The following GABRA2 variants were observed in gnomAD, a reference collection of about 807,000 sequenced individuals.
GABRA2 encodes gamma-aminobutyric acid type A receptor subunit alpha2.
Under a neutral mutation model 48.7 loss-of-function variants are expected in GABRA2, and 16 were observed. The ratio of observed to expected loss-of-function variants is 0.33; its 90% CI spans 0.22 to 0.50. GABRA2 has a LOEUF of 0.50. Ranked by LOEUF, GABRA2 falls within the 20% of genes least tolerant of loss-of-function variation. The probability of loss-of-function intolerance (pLI) is 0.98; values close to 1 mark genes in which losing one functional copy is unlikely to be tolerated. For synonymous variants in GABRA2, 185 were observed against 184.5 expected, an observed-to-expected ratio of 1.00 and a Z score of -0.02; for missense variants, 275 against 535.6, an observed-to-expected ratio of 0.51 and a Z score of 4.80.
At chr4:46,313,989 GA>G (rs1256442036) in intron 4 of GABRA2, among the ~76,000 whole-genome samples, 1 of 152,136 alleles carries the variant, frequency 6.6e-6, no homozygotes, top group African/African-American at 2.4e-5. Context: ...ACTAACAAGT[GA>G]AAATCCTAGG....
chr4:46,300,432 AT>A (rs919860689), intron 8 of GABRA2, among the ~76,000 whole-genome samples: 6 of 151,738 alleles, frequency 4.0e-5, no homozygotes, highest in Admixed American at 1.3e-4. Context: ...CAATTTTAGG[AT>A]TTTTAAAGAT....
intron 3 of GABRA2, among the ~76,000 whole-genome samples, chr4:46,352,931 T>A (rs1184593202): frequency 2.0e-5 from 3 of 152,126 alleles, no homozygotes; most frequent in Non-Finnish European, 4.4e-5. Flanking sequence ...CTTCACTGTC[T>A]TTTCATGCCT....
intron 3 of GABRA2, among the ~76,000 whole-genome samples, chr4:46,378,040 T>G (rs76262326): frequency 4.4e-4 from 41 of 92,344 alleles, no homozygotes; most frequent in South Asian, 1.6e-3. Context: ...AGGTGGGGGG[T>G]TCAGCCCCCC....
chr4:46,286,118 C>T (rs1279085036), intron 8 of GABRA2, among the ~76,000 whole-genome samples: 2 of 151,832 alleles, frequency 1.3e-5, no homozygotes, highest in East Asian at 1.9e-4. Context: ...CCATTTATTC[C>T]ACTCCTATCC....
At chr4:46,269,699 T>G (rs998061440) in intron 8 of GABRA2, among the ~76,000 whole-genome samples, 21 of 151,836 alleles carry the variant, frequency 1.4e-4, no homozygotes, top group Middle Eastern at 3.2e-3. Flanking sequence ...TAAAACGGAC[T>G]TGTGGCTGAC....
chr4:46,263,299 CTG>C (rs1717430010), intron 8 of GABRA2, among the ~76,000 whole-genome samples: 1 of 151,996 alleles, frequency 6.6e-6, no homozygotes, highest in East Asian at 1.9e-4. Context: ...ACCTAAGAAA[CTG>C]TTGTCTAATC....
chr4:46,251,634 C>T (rs1372812765), intron 9 of GABRA2, among the ~76,000 whole-genome samples: 2 of 151,460 alleles, frequency 1.3e-5, no homozygotes, highest in African/African-American at 4.8e-5. Flanking sequence ...TAAGAAAGGA[C>T]TTTCTTAAGG....
intron 4 of GABRA2, among the ~76,000 whole-genome samples, chr4:46,331,147 C>A (rs562973968): frequency 4.6e-5 from 7 of 152,166 alleles, no homozygotes; most frequent in Non-Finnish European, 8.8e-5. Context: ...ATTTTTTCCT[C>A]TTGTACCAGA....
chr4:46,314,645 G>A (rs189872273), intron 4 of GABRA2, among the ~76,000 whole-genome samples: 2 of 151,992 alleles, frequency 1.3e-5, no homozygotes, highest in East Asian at 1.9e-4. Context: ...CTCCCTCCCC[G>A]CTCTAGCAAT....
chr4:46,274,721 C>T (rs1312489333), intron 8 of GABRA2, among the ~76,000 whole-genome samples: 2 of 152,076 alleles, frequency 1.3e-5, no homozygotes, highest in African/African-American at 2.4e-5. Flanking sequence ...CTTTCTGAGC[C>T]TCAGTGGCTT....
At chr4:46,348,086 C>G (rs1216545739) in intron 3 of GABRA2, among the ~76,000 whole-genome samples, 1 of 151,942 alleles carries the variant, frequency 6.6e-6, no homozygotes, top group Non-Finnish European at 1.5e-5. Context: ...AAGAAAAAAA[C>G]AAACAACCCC....
intron 4 of GABRA2, among the ~76,000 whole-genome samples, chr4:46,327,482 C>T (rs1730590962): frequency 6.6e-6 from 1 of 151,968 alleles, no homozygotes; most frequent in African/African-American, 2.4e-5. Context: ...CTTCTACATG[C>T]TGGCTTTAAA....
intron 8 of GABRA2, among the ~76,000 whole-genome samples, chr4:46,265,176 C>G (rs1196011374): frequency 1.3e-5 from 2 of 149,490 alleles, no homozygotes; most frequent in African/African-American, 4.9e-5. Context: ...GCTGGGATTA[C>G]AGGAGCACGC....
chr4:46,357,935 G>T (rs776085942), intron 3 of GABRA2, among the ~76,000 whole-genome samples: 34 of 152,028 alleles, frequency 2.2e-4, no homozygotes, highest in Non-Finnish European at 4.0e-4. Flanking sequence ...TGGGATTACA[G>T]GTGTGAGCCA....
chr4:46,317,183 T>A (rs1728689942), intron 4 of GABRA2, among the ~76,000 whole-genome samples: 1 of 151,880 alleles, frequency 6.6e-6, no homozygotes, highest in African/African-American at 2.4e-5. Context: ...GAAATTTCAA[T>A]GAAAGTCACA....
At chr4:46,280,180 G>A (rs1348511151) in intron 8 of GABRA2, among the ~76,000 whole-genome samples, 1 of 152,054 alleles carries the variant, frequency 6.6e-6, no homozygotes, top group Non-Finnish European at 1.5e-5. Flanking sequence ...TACAAAAATA[G>A]ATTAGGGCCA....
At chr4:46,318,727 A>G (rs1004652624) in intron 4 of GABRA2, among the ~76,000 whole-genome samples, 11 of 151,728 alleles carry the variant, frequency 7.2e-5, no homozygotes, top group South Asian at 4.1e-4. Context: ...AAAAGGATGA[A>G]TTACACAATG....
At chr4:46,261,708 A>G in intron 9 of GABRA2, 1 of 606,078 alleles carries the variant, frequency 1.6e-6, no homozygotes, top group South Asian at 2.0e-5. Flanking sequence ...CCTGACACAT[A>G]CAGCTCAACA....
chr4:46,333,138 C>T (rs918548168), intron 3 of GABRA2, among the ~76,000 whole-genome samples: 1 of 152,002 alleles, frequency 6.6e-6, no homozygotes, highest in Admixed American at 6.6e-5. Context: ...CTTCTCCATA[C>T]AGCACAAAAC....
Sources: allele counts gnomAD v4.1 joint callset (sites outside exome capture counted in the v4.1 genomes callset), GRCh38; gene constraint gnomAD v4.1.1; transcripts MANE v1.5; gene names NCBI Gene and HGNC (gene_info 2026-07-23, HGNC 2026-07-21).